Variants in GNAI3 observed in about 807,000 individuals in gnomAD.
GNAI3 encodes the protein G protein subunit alpha i3, also known as guanine nucleotide-binding protein G(i) subunit alpha-3.
In GNAI3, 12 loss-of-function variants were observed where a neutral mutation model predicts 41.8. The ratio of observed to expected loss-of-function variants is 0.29; its 90% CI spans 0.18 to 0.47. GNAI3 has a LOEUF of 0.47. Among genes scored for constraint, GNAI3 ranks in the 20% least tolerant of loss-of-function variants. GNAI3 has a pLI of 1.00. For missense variants in GNAI3, 360 were observed against 429.6 expected, an observed-to-expected ratio of 0.84 and a Z score of 1.43; for synonymous variants, 132 against 146.5, an observed-to-expected ratio of 0.90 and a Z score of 0.71.
rs149036961 is a variant in GNAI3, at chr1:109,576,650, C to G, written c.304-2554C>G. Among the ~76,000 whole-genome samples, 1,064 of 152,198 alleles carry G rather than the reference C, an allele frequency of 7.0e-3. 13 individuals are homozygous for G. Among genetic ancestry groups the G allele is most frequent in the African/African-American group, 0.024 (977 of 41,510 alleles). On this transcript the variant is annotated intron_variant, in intron 3 of 8. Coordinates refer to ENST00000369851, the MANE Select transcript of GNAI3 (RefSeq NM_006496.4). ...TCTCCTGCCTCAGCCTCCCGAGTAG[C>G]TGGGATTATAGGCATGCACCACCAT...
At chr1:109,553,236 T>A (rs1394013022) in intron 1 of GNAI3, among the ~76,000 whole-genome samples, 2 of 152,216 alleles carry the variant, frequency 1.3e-5, no homozygotes, top group Non-Finnish European at 2.9e-5. Context: ...CCTTTTTTTT[T>A]ACTCATCACT....
chr1:109,572,369 G>A (rs150929084), intron 1 of GNAI3, among the ~76,000 whole-genome samples: 194 of 152,264 alleles, frequency 1.3e-3, no homozygotes, highest in Non-Finnish European at 2.3e-3. Context: ...AGTGAAGTAG[G>A]AATCAAACCT....
chr1:109,595,673 A>C lies in GNAI3; in HGVS notation c.*3351A>C, dbSNP rs1649284001. 1 of 152,158 alleles carries C rather than the reference A, an allele frequency of 6.6e-6. No homozygotes were observed. Among genetic ancestry groups the C allele is most frequent in the Admixed American group, 6.5e-5 (1 of 15,288 alleles). The allele number at this position is 152,158 out of a possible 1,614,324, so 9.4% of individuals were successfully genotyped here. On this transcript the variant is annotated 3_prime_UTR_variant, in exon 9 of 9. Coordinates refer to ENST00000369851, the MANE Select transcript of GNAI3 (RefSeq NM_006496.4). Reference sequence around the variant, plus strand: ...CATTACTTGCCTGGCCTGATTAGTTACTTAATATAATTTATTCATTTGCTT... The same window carrying C: ...CATTACTTGCCTGGCCTGATTAGTTCCTTAATATAATTTATTCATTTGCTT...
At position 109,596,312 on chromosome 1, in the gene GNAI3, A is replaced by C. The variant is rs1223600083; in HGVS notation, c.*3990A>C. On this transcript the variant is annotated 3_prime_UTR_variant, in exon 9 of 9. Transcript: ENST00000369851. ...TTTATGAGTTAGTTCTGCTGAGAACAACATACTTCAGAACATGTCAGGATA... is the reference window on the plus strand; with the variant it reads ...TTTATGAGTTAGTTCTGCTGAGAACCACATACTTCAGAACATGTCAGGATA... 2 of 152,206 alleles carry C rather than the reference A, an allele frequency of 1.3e-5. No homozygotes were observed. The highest frequency in any genetic ancestry group is 2.9e-5 in the Non-Finnish European group (2 of 68,044). The allele number at this position is 152,206 out of a possible 1,614,324, so 9.4% of individuals were successfully genotyped here. A position where few individuals can be genotyped will look rare whatever the true frequency, so the allele number is the denominator to read the frequency against.
chr1:109,577,278 G>T (rs9728726), intron 3 of GNAI3, among the ~76,000 whole-genome samples: 4,018 of 124,892 alleles, frequency 0.032, 205 homozygotes, highest in African/African-American at 0.11. Flanking sequence ...TGTTTTTTTT[G>T]TTTTTTTTTT....
Position 109,599,786 on chromosome 1 carries a change from A to G in GNAI3, c.*7464A>G, listed in dbSNP as rs1211870321. The G allele has an allele frequency of 6.6e-6, 1 of 152,246 alleles. No individual in the cohort carries two copies. Among genetic ancestry groups the G allele is most frequent in the African/African-American group, 2.4e-5 (1 of 41,472 alleles). 9.4% of individuals were successfully genotyped at this position (152,246 alleles called of 1,614,324 possible). On this transcript the variant is annotated 3_prime_UTR_variant, in exon 9 of 9. Coordinates refer to ENST00000369851, the MANE Select transcript of GNAI3 (RefSeq NM_006496.4). Reference sequence around the variant, plus strand: ...TGGTTTTGTTAAATGTCCACGATTTAGAGACGGCATAATGAAAAAATGACC... The same window carrying G: ...TGGTTTTGTTAAATGTCCACGATTTGGAGACGGCATAATGAAAAAATGACC...
At chr1:109,568,009 T>C (rs1226709194) in intron 1 of GNAI3, among the ~76,000 whole-genome samples, 1 of 151,224 alleles carries the variant, frequency 6.6e-6, no homozygotes, top group East Asian at 1.9e-4. Context: ...TCTGTCAGGG[T>C]TAATTTTTAA....
At chr1:109,551,660 G>T (rs957185536) in intron 1 of GNAI3, among the ~76,000 whole-genome samples, 4 of 152,146 alleles carry the variant, frequency 2.6e-5, no homozygotes, top group African/African-American at 9.7e-5. Context: ...ATTAAATATG[G>T]TAATAATGTA....
chr1:109,568,214 T>A (rs879840585), intron 1 of GNAI3, among the ~76,000 whole-genome samples: 5 of 152,128 alleles, frequency 3.3e-5, no homozygotes, highest in Admixed American at 2.6e-4. Flanking sequence ...CTCTGGTACC[T>A]GCTCAGAGAT....
intron 1 of GNAI3, among the ~76,000 whole-genome samples, chr1:109,561,844 A>T (rs1270125184): frequency 6.6e-6 from 1 of 152,206 alleles, no homozygotes; most frequent in Admixed American, 6.5e-5. Flanking sequence ...AGAATATTTT[A>T]CTAAGCGAGA....
chr1:109,588,364 T>G (rs1413210506), intron 7 of GNAI3, among the ~76,000 whole-genome samples: 6 of 142,082 alleles, frequency 4.2e-5, no homozygotes, highest in Non-Finnish European at 9.1e-5. Flanking sequence ...CCTGGGCGAC[T>G]GAGCAAAAAA....
intron 3 of GNAI3, among the ~76,000 whole-genome samples, chr1:109,575,573 C>T (rs1339984938): frequency 2.4e-4 from 28 of 115,004 alleles, no homozygotes; most frequent in Non-Finnish European, 3.8e-4. Flanking sequence ...GACGGACTCT[C>T]GCCCTGTCGC....
rs1649281211 is a variant in GNAI3, at chr1:109,595,531, G to A, written c.*3209G>A. On this transcript the variant is annotated 3_prime_UTR_variant, in exon 9 of 9. Transcript: ENST00000369851. The stretch of plus-strand genomic sequence containing the variant: ...AATTTTCATATATATTCTATTTGTT[G>A]TATATACACATTAGACTATTTTAAA... 1 of 151,708 alleles carries A rather than the reference G, an allele frequency of 6.6e-6. No individual in the cohort carries two copies. The highest frequency in any genetic ancestry group is 2.1e-4 in the South Asian group (1 of 4,814). 9.4% of individuals were successfully genotyped at this position (151,708 alleles called of 1,614,324 possible). A position where few individuals can be genotyped will look rare whatever the true frequency, so the allele number is the denominator to read the frequency against.
In GNAI3 at chr1:109,548,623, G is replaced by A. The variant is rs1647888021; in HGVS notation, c.-98G>A. 3.9e-6 allele frequency: 3 copies of A among 774,218 alleles called. No homozygotes were observed. The highest frequency in any genetic ancestry group is 3.3e-5 in the South Asian group (2 of 61,352). The allele number at this position is 774,218 out of a possible 1,614,324, so 48.0% of individuals were successfully genotyped here. ...TGGGCGCTAAGGGAGCTGACGGAGAGGGCCACCGCCCAGCAATAGACGGTG... is the reference window on the plus strand; with the variant it reads ...TGGGCGCTAAGGGAGCTGACGGAGAAGGCCACCGCCCAGCAATAGACGGTG... On this transcript the variant is annotated 5_prime_UTR_variant, in exon 1 of 9. Coordinates refer to ENST00000369851, the MANE Select transcript of GNAI3 (RefSeq NM_006496.4).
At chr1:109,577,014 TG>T (rs1322537963) in intron 3 of GNAI3, among the ~76,000 whole-genome samples, 11 of 38,748 alleles carry the variant, frequency 2.8e-4, no homozygotes, top group Middle Eastern at 0.013. Flanking sequence ...GGTTTTTTTC[TG>T]TTTTTTTTTT....
chr1:109,580,562 A>G (rs1259752693), intron 4 of GNAI3, among the ~76,000 whole-genome samples: 2 of 152,340 alleles, frequency 1.3e-5, no homozygotes, highest in Non-Finnish European at 2.9e-5. Context: ...ATTGTAGAGT[A>G]TGCGTACACA....
In GNAI3 at chr1:109,586,228, A is replaced by T. The variant is rs563207540; in HGVS notation, c.603A>T (p.Val201=). Residue 201 remains valine, a synonymous_variant, in exon 6 of 9, where the codon GTA becomes GTT. Coordinates refer to ENST00000369851, the MANE Select transcript of GNAI3 (RefSeq NM_006496.4). ...TCCCCTTGCGCAGGATGTTTGATGT[A>T]GGTGGCCAAAGATCAGAACGAAAAA... is the stretch of plus-strand genomic sequence containing the variant. The part of the protein sequence containing the change: ...FKDLYFKMFD[V]GGQRSERKKW... 6.2e-7 allele frequency: 1 copy of T among 1,613,354 alleles called. No homozygotes were observed. Among genetic ancestry groups the T allele is most frequent in the South Asian group, 1.1e-5 (1 of 91,028 alleles).
chr1:109,586,355 A>G lies in GNAI3; in HGVS notation c.720+10A>G. On this transcript the variant is annotated intron_variant, in intron 6 of 8. Coordinates refer to ENST00000369851, the MANE Select transcript of GNAI3 (RefSeq NM_006496.4). The stretch of plus-strand genomic sequence containing the variant: ...TGAGGACGAGGAGATGGTATGTTGG[A>G]GCTTCTGGTAAAAAGCCTGTCTAAT... 1 of 1,608,028 alleles carries G rather than the reference A, an allele frequency of 6.2e-7. No homozygotes were observed. The highest frequency in any genetic ancestry group is 8.5e-7 in the Non-Finnish European group (1 of 1,177,204).
At chr1:109,591,757 C>T (rs1004132482) in intron 7 of GNAI3, 2 of 367,372 alleles carry the variant, frequency 5.4e-6, no homozygotes, top group African/African-American at 4.1e-5. Flanking sequence ...TCCTTTTATA[C>T]TTTCTAGATT....
Sources: gnomAD v4.1 joint callset for allele counts (sites outside exome capture counted in the v4.1 genomes callset) on GRCh38, gnomAD v4.1.1 for gene constraint, MANE v1.5 for transcripts, NCBI Gene and HGNC (gene_info 2026-07-23, HGNC 2026-07-21) for gene names.